The following AHCTF1 variants were observed in gnomAD, a reference collection of about 807,000 sequenced individuals.
AHCTF1 encodes protein ELYS.
In AHCTF1, 24 loss-of-function variants were observed where a neutral mutation model predicts 248.4. The ratio of observed to expected loss-of-function variants is 0.10; its 90% CI spans 0.07 to 0.14. The LOEUF is 0.14. Ranked by LOEUF, AHCTF1 falls within the 10% of genes least tolerant of loss-of-function variation. AHCTF1 has a pLI of 1.00. For synonymous variants in AHCTF1, 786 were observed against 929.8 expected, an observed-to-expected ratio of 0.85 and a Z score of 2.81; for missense variants, 2,206 against 2,636.2, an observed-to-expected ratio of 0.84 and a Z score of 3.57.
rs566044153 is a variant in AHCTF1, at chr1:246,900,584, T to G, written c.1118-115A>C. 3.5e-5 allele frequency: 40 copies of G among 1,128,044 alleles called. No individual in the cohort carries two copies. The East Asian group carries it at 9.4e-4, about 27-fold the overall frequency. The allele number at this position is 1,128,044 out of a possible 1,614,324, so 69.9% of individuals were successfully genotyped here. ...TTAAGCGGTTTAATTCATATTTCAC[T>G]TGATTCATCAAAACGCATTTCTATC... is the stretch of plus-strand genomic sequence containing the variant. On this transcript the variant is annotated intron_variant, in intron 8 of 35. Transcript: ENST00000648844.
Position 246,851,302 on chromosome 1 carries a change from A to T in AHCTF1, c.4704T>A (p.Ala1568=), listed in dbSNP as rs140339459. 128 of 1,614,086 alleles carry T rather than the reference A, an allele frequency of 7.9e-5. 1 individual carries two copies. The African/African-American group carries it at 1.6e-3, about 20-fold the overall frequency. The part of the protein sequence containing the change: ...DTIDQQFCDL[A]DNKDTAECDI... The stretch of plus-strand genomic sequence containing the variant: ...CACATTCAGCAGTGTCTTTGTTATC[A>T]GCTAAGTCACAAAACTGTTGGTCAA... The change falls in exon 33 of 36, where the codon GCT becomes GCA. Residue 1568 remains alanine (A), a synonymous_variant. Transcript: ENST00000648844.
intron 17 of AHCTF1, 93 bp from the exon 18 acceptor site, chr1:246,888,610 C>T: frequency 7.0e-7 from 1 of 1,435,844 alleles, no homozygotes; most frequent in Non-Finnish European, 9.4e-7. Context: ...ATAATCCCAA[C>T]TATCAAAGAG....
chr1:246,868,972 G>C (rs1003218685), intron 24 of AHCTF1, among the ~76,000 whole-genome samples: 1 of 142,886 alleles, frequency 7.0e-6, no homozygotes, highest in African/African-American at 2.7e-5. Context: ...AGCCTGCTGA[G>C]TAGCTGGGAC....
chr1:246,919,388 T>C (rs1666361585), intron 1 of AHCTF1, among the ~76,000 whole-genome samples: 2 of 152,228 alleles, frequency 1.3e-5, no homozygotes, highest in South Asian at 2.1e-4. Flanking sequence ...TTCATACAAA[T>C]GTGTGGCCAG....
At chr1:246,888,605 C>A in intron 17 of AHCTF1, 88 bp from the exon 18 acceptor site, 1 of 1,452,206 alleles carries the variant, frequency 6.9e-7, no homozygotes, top group South Asian at 1.3e-5. Flanking sequence ...AAGTAATAAT[C>A]CCAACTATCA....
chr1:246,840,834 T>G lies in AHCTF1; in HGVS notation c.6773A>C (p.Lys2258Thr). Residue 2258 changes from lysine (K) to threonine (T), a missense_variant, in exon 36 of 36, where the codon AAG (lysine) becomes ACG (threonine). Lys to Thr is a moderately conservative substitution (Grantham distance 78). Coordinates refer to ENST00000648844, the MANE Select transcript of AHCTF1 (RefSeq NM_001323342.2). ...RNRKKLSSYP[K>T]QILRRKML ...CAGCATTTTTCTGCGTAAAATTTGC[T>G]TTGGATAGGAAGACAGTTTCTTTCT... 1.3e-6 allele frequency: 2 copies of G among 1,597,774 alleles called. No homozygotes were observed. Among genetic ancestry groups the G allele is most frequent in the South Asian group, 2.3e-5 (2 of 86,854 alleles).
intron 24 of AHCTF1, among the ~76,000 whole-genome samples, chr1:246,873,020 G>C (rs1456137931): frequency 6.6e-6 from 1 of 152,044 alleles, no homozygotes; most frequent in Non-Finnish European, 1.5e-5. Flanking sequence ...TAAGTTTCAG[G>C]GGCTCAGACC....
chr1:246,905,776 C>A (rs1348191411), intron 5 of AHCTF1, 119 bp from the exon 6 acceptor site: 2 of 721,346 alleles, frequency 2.8e-6, no homozygotes, highest in Admixed American at 2.5e-5. Flanking sequence ...AATAAGTGAT[C>A]TGTGGGCCAT....
chr1:246,903,850 AAAAAG>A (rs980667271), intron 7 of AHCTF1, 94 bp downstream of exon 7: 4 of 1,049,310 alleles, frequency 3.8e-6, no homozygotes, highest in African/African-American at 3.3e-5. Context: ...AAAAAAAAAA[AAAAAG>A]AATCACTTTT....
intron 8 of AHCTF1, 143 bp from the exon 9 acceptor site, chr1:246,900,612 T>C (rs189614656): frequency 2.2e-6 from 2 of 929,064 alleles, no homozygotes; most frequent in Non-Finnish European, 3.1e-6. Flanking sequence ...TTTCTATCAT[T>C]TGTATGTAAG....
At chr1:246,861,772 T>A (rs886106434) in intron 28 of AHCTF1, among the ~76,000 whole-genome samples, 187 bp downstream of exon 28, 1 of 152,348 alleles carries the variant, frequency 6.6e-6, no homozygotes, top group South Asian at 2.1e-4. Context: ...GATGATGGGT[T>A]TGGCTTAGCC....
chr1:246,882,100 C>A (rs921907548), intron 21 of AHCTF1, among the ~76,000 whole-genome samples: 1 of 151,604 alleles, frequency 6.6e-6, no homozygotes, highest in African/African-American at 2.4e-5. Context: ...TGGGTTCACG[C>A]CATTCTCCTG....
intron 14 of AHCTF1, 53 bp downstream of exon 14, chr1:246,894,606 G>C (rs2103150302): frequency 7.3e-7 from 1 of 1,373,090 alleles, no homozygotes; most frequent in East Asian, 2.3e-5. Context: ...CATAAACCAA[G>C]GTTAGTATTT....
chr1:246,879,264 G>A (rs1463607001), intron 21 of AHCTF1, among the ~76,000 whole-genome samples: 1 of 152,104 alleles, frequency 6.6e-6, no homozygotes, highest in African/African-American at 2.4e-5. Context: ...CCCATGAGAT[G>A]AAGAGACAAA....
At chr1:246,877,333 T>C in intron 21 of AHCTF1, 31 bp from the exon 22 acceptor site, 3 of 1,526,056 alleles carry the variant, frequency 2.0e-6, no homozygotes, top group Non-Finnish European at 2.6e-6. Context: ...AGTTTAGTTT[T>C]AGAAAAAGCT....
chr1:246,860,592 G>A (rs1327745745), intron 29 of AHCTF1, among the ~76,000 whole-genome samples: 1 of 152,088 alleles, frequency 6.6e-6, no homozygotes, highest in Non-Finnish European at 1.5e-5. Flanking sequence ...GCTCTGTCAC[G>A]CAGGCTAAAG....
At position 246,840,699 on chromosome 1, in the gene AHCTF1, A is replaced by G. The variant is rs1659793402; in HGVS notation, c.*107T>C. 1 of 895,312 alleles carries G rather than the reference A, an allele frequency of 1.1e-6. No individual in the cohort carries two copies. Among genetic ancestry groups the G allele is most frequent in the Admixed American group, 3.8e-5 (1 of 26,114 alleles). The allele number at this position is 895,312 out of a possible 1,614,324, so 55.5% of individuals were successfully genotyped here. A position where few individuals can be genotyped will look rare whatever the true frequency, so the allele number is the denominator to read the frequency against. ...TTGAAGACCTTCTGTTTACATAAAAATTTACAATAATTTATATAAATTATT... is the reference window on the plus strand; with the variant it reads ...TTGAAGACCTTCTGTTTACATAAAAGTTTACAATAATTTATATAAATTATT... On this transcript the variant is annotated 3_prime_UTR_variant, in exon 36 of 36. Coordinates refer to ENST00000648844, the MANE Select transcript of AHCTF1 (RefSeq NM_001323342.2).
intron 1 of AHCTF1, among the ~76,000 whole-genome samples, chr1:246,929,759 A>T (rs1006715112): frequency 4.6e-5 from 7 of 152,230 alleles, no homozygotes; most frequent in Non-Finnish European, 1.0e-4. Flanking sequence ...TCCTCTTAAA[A>T]TATATCTGTA....
At chr1:246,907,436 CATT>C (rs1396600554) in intron 5 of AHCTF1, 112 bp downstream of exon 5, 1 of 904,334 alleles carries the variant, frequency 1.1e-6, no homozygotes, top group African/African-American at 1.7e-5. Flanking sequence ...TTCATTCAAT[CATT>C]AATCTACCCA....
Sources: allele counts gnomAD v4.1 joint callset (sites outside exome capture counted in the v4.1 genomes callset), GRCh38; gene constraint gnomAD v4.1.1; transcripts MANE v1.5; gene names NCBI Gene and HGNC (gene_info 2026-07-23, HGNC 2026-07-21).